Variants in TGFB2 observed in about 807,000 individuals in gnomAD.
The protein encoded by TGFB2 is transforming growth factor beta-2 proprotein.
In TGFB2, 13 loss-of-function variants were observed where a neutral mutation model predicts 42.7. The observed-to-expected ratio is 0.30, with a 90% confidence interval of 0.20 to 0.48. The LOEUF is 0.48. Among genes scored for constraint, TGFB2 ranks in the 20% least tolerant of loss-of-function variants. The pLI is 0.99. For missense variants in TGFB2, 390 were observed against 517.5 expected (o/e 0.75, Z 2.39); for synonymous variants, 193 against 193.6 (o/e 1.00, Z 0.03).
At chr1:218,412,550 C>G (rs1659135208) in intron 2 of TGFB2, among the ~76,000 whole-genome samples, 1 of 152,122 alleles carries the variant, frequency 6.6e-6, no homozygotes, top group South Asian at 2.1e-4. Context: ...CGTCTGTCCT[C>G]CCCGTTTACC....
At chr1:218,384,825 G>A (rs1658078303) in intron 1 of TGFB2, among the ~76,000 whole-genome samples, 1 of 152,208 alleles carries the variant, frequency 6.6e-6, no homozygotes, top group African/African-American at 2.4e-5. Flanking sequence ...GAAACGTGGG[G>A]GATGACTCAT....
chr1:218,418,605 G>T (rs1228537477), intron 2 of TGFB2, among the ~76,000 whole-genome samples: 1 of 152,150 alleles, frequency 6.6e-6, no homozygotes, highest in African/African-American at 2.4e-5. Flanking sequence ...ATGAGATTTG[G>T]GAGGGGCTGG....
chr1:218,348,183 C>G (rs1276730883), intron 1 of TGFB2, among the ~76,000 whole-genome samples: 1 of 152,042 alleles, frequency 6.6e-6, no homozygotes, highest in Admixed American at 6.6e-5. Context: ...GTGGGGGGAA[C>G]CTCTTCAACA....
chr1:218,414,491 T>TA (rs1659208800), intron 2 of TGFB2, among the ~76,000 whole-genome samples: 1 of 151,914 alleles, frequency 6.6e-6, no homozygotes, highest in Admixed American at 6.6e-5. Flanking sequence ...GTAACCCACC[T>TA]AAAAAAAGAA....
intron 1 of TGFB2, among the ~76,000 whole-genome samples, chr1:218,397,379 C>T (rs1463209688): frequency 6.6e-6 from 1 of 151,362 alleles, no homozygotes; most frequent in African/African-American, 2.4e-5. Flanking sequence ...CTGGCTAACA[C>T]GGTGAAACCC....
chr1:218,435,565 G>A (rs1659943620), intron 4 of TGFB2, among the ~76,000 whole-genome samples: 1 of 152,222 alleles, frequency 6.6e-6, no homozygotes, highest in Non-Finnish European at 1.5e-5. Context: ...GTCTTAGGAA[G>A]AGTGTGAACC....
intron 1 of TGFB2, among the ~76,000 whole-genome samples, chr1:218,397,430 G>C (rs921510935): frequency 1.3e-5 from 2 of 152,028 alleles, no homozygotes; most frequent in African/African-American, 2.4e-5. Context: ...CGGGCATGGT[G>C]GTGGGTGCCT....
intron 2 of TGFB2, among the ~76,000 whole-genome samples, chr1:218,425,408 C>T (rs1203891933): frequency 6.6e-6 from 1 of 151,932 alleles, no homozygotes; most frequent in African/African-American, 2.4e-5. Context: ...GGGATTTCAC[C>T]GTGTTAGCCA....
intron 1 of TGFB2, among the ~76,000 whole-genome samples, chr1:218,403,337 T>G (rs1245152799): frequency 6.6e-6 from 1 of 152,186 alleles, no homozygotes; most frequent in Non-Finnish European, 1.5e-5. Context: ...CGTGGGCCTG[T>G]GTGCTGAGAG....
chr1:218,441,965 A>G lies in TGFB2; in HGVS notation c.*603A>G, dbSNP rs1472232923. On this transcript the variant is annotated 3_prime_UTR_variant, in exon 7 of 7. Transcript: ENST00000366930. ...GAACTTGAACTCAAACGAGCCAGAAAAAAAGAGGTCATATTAATGGGATGA... is the reference window on the plus strand; with the variant it reads ...GAACTTGAACTCAAACGAGCCAGAAGAAAAGAGGTCATATTAATGGGATGA... 6.6e-6 allele frequency: 1 copy of G among 152,212 alleles called. No homozygotes were observed. Among genetic ancestry groups the G allele is most frequent in the Non-Finnish European group, 1.5e-5 (1 of 68,032 alleles). 9.4% of individuals were successfully genotyped at this position (152,212 alleles called of 1,614,324 possible). A position where few individuals can be genotyped will look rare whatever the true frequency, so the allele number is the denominator to read the frequency against.
intron 1 of TGFB2, among the ~76,000 whole-genome samples, chr1:218,364,020 G>A (rs1657304084): frequency 6.6e-6 from 1 of 152,136 alleles, no homozygotes; most frequent in African/African-American, 2.4e-5. Flanking sequence ...AAGCTTATCA[G>A]CTATCGTTAG....
intron 1 of TGFB2, among the ~76,000 whole-genome samples, chr1:218,386,638 G>C (rs1185666185): frequency 6.6e-6 from 1 of 152,174 alleles, no homozygotes; most frequent in Non-Finnish European, 1.5e-5. Context: ...ATTCTGGTTT[G>C]TTTGATTCTG....
intron 2 of TGFB2, among the ~76,000 whole-genome samples, chr1:218,413,135 G>T (rs995831106): frequency 6.6e-6 from 1 of 152,168 alleles, no homozygotes; most frequent in African/African-American, 2.4e-5. Flanking sequence ...ACTTTGGGAG[G>T]CTGAGGCAGG....
At chr1:218,351,704 A>G (rs930872198) in intron 1 of TGFB2, among the ~76,000 whole-genome samples, 2 of 152,078 alleles carry the variant, frequency 1.3e-5, no homozygotes, top group Non-Finnish European at 2.9e-5. Flanking sequence ...CACCTCACAG[A>G]AGGAAGGGGT....
intron 2 of TGFB2, among the ~76,000 whole-genome samples, chr1:218,429,095 C>G (rs1463999914): frequency 3.3e-5 from 5 of 151,704 alleles, no homozygotes; most frequent in Admixed American, 6.6e-5. Context: ...ATTTTCCTGC[C>G]TCAGTCTCCC....
At chr1:218,366,272 A>G (rs984972356) in intron 1 of TGFB2, among the ~76,000 whole-genome samples, 27 of 152,106 alleles carry the variant, frequency 1.8e-4, no homozygotes, top group African/African-American at 5.8e-4. Flanking sequence ...CTTTTAAGTA[A>G]CTTGGTTAAG....
chr1:218,441,386 CA>C lies in TGFB2; in HGVS notation c.*28del. 1.3e-6 allele frequency: 2 copies of C among 1,589,888 alleles called. No individual in the cohort carries two copies. Among genetic ancestry groups the C allele is most frequent in the Non-Finnish European group, 1.7e-6 (2 of 1,171,148 alleles). On this transcript the variant is annotated 3_prime_UTR_variant, in exon 7 of 7. Transcript: ENST00000366930. ...AAAATTCTTGGAAAAGTGGCAAGAC[CA>C]AAATGACAATGATGATGATAATGAT...
Position 218,441,423 on chromosome 1 carries a change from A to C in TGFB2, c.*61A>C, listed in dbSNP as rs1333613332. The C allele has an allele frequency of 2.6e-6, 4 of 1,522,058 alleles. No homozygotes were observed. Among genetic ancestry groups the C allele is most frequent in the Non-Finnish European group, 3.5e-6 (4 of 1,134,068 alleles). The allele number at this position is 1,522,058 out of a possible 1,614,324, so 94.3% of individuals were successfully genotyped here. A position where few individuals can be genotyped will look rare whatever the true frequency, so the allele number is the denominator to read the frequency against. On this transcript the variant is annotated 3_prime_UTR_variant, in exon 7 of 7. Transcript: ENST00000366930. The stretch of plus-strand genomic sequence containing the variant: ...GATGATGATAATGATGATGACGACG[A>C]CAACGATGATGCTTGTAACAAGAAA...
At chr1:218,431,370 C>T (rs1659801953) in intron 2 of TGFB2, among the ~76,000 whole-genome samples, 1 of 152,094 alleles carries the variant, frequency 6.6e-6, no homozygotes, top group East Asian at 1.9e-4. Flanking sequence ...AAATGTACTC[C>T]TTTTCTATAA....
Sources: allele counts gnomAD v4.1 joint callset (sites outside exome capture counted in the v4.1 genomes callset), GRCh38; gene constraint gnomAD v4.1.1; transcripts MANE v1.5; gene names NCBI Gene and HGNC (gene_info 2026-07-23, HGNC 2026-07-21).